Variants in RSF1 observed in about 807,000 individuals in gnomAD.
RSF1 encodes HBV pX-associated protein 8.
In RSF1, 13 loss-of-function variants were observed where a neutral mutation model predicts 145.2. The ratio of observed to expected loss-of-function variants is 0.09; its 90% confidence interval spans 0.06 to 0.14. The LOEUF (loss-of-function observed/expected upper bound fraction) is 0.14. Ranked by LOEUF, RSF1 falls within the 10% of genes least tolerant of loss-of-function variation. The pLI, the probability that RSF1 is intolerant of heterozygous loss-of-function variation, is 1.00. For synonymous variants in RSF1, 577 were observed against 592.6 expected (o/e 0.97, Z 0.38); for missense variants, 1,517 against 1,718.2 (o/e 0.88, Z 2.07).
chr11:77,840,809 G>A, the RSF1 span, among the ~76,000 whole-genome samples: 1 of 152,040 alleles, frequency 6.6e-6, no homozygotes, highest in African/African-American at 2.4e-5. Context: ...ATAACATATT[G>A]TAGGACAGTG....
chr11:77,695,642 T>A (rs908146583), intron 7 of RSF1, among the ~76,000 whole-genome samples: 2 of 152,068 alleles, frequency 1.3e-5, no homozygotes, highest in African/African-American at 4.8e-5. Context: ...GAACATCTTG[T>A]ATTTTCCCTG....
the RSF1 span, among the ~76,000 whole-genome samples, chr11:77,826,274 A>G: frequency 2.0e-5 from 3 of 151,870 alleles, no homozygotes; most frequent in Non-Finnish European, 4.4e-5. Flanking sequence ...AGGCAGGAGA[A>G]TCACTTGAAC....
In RSF1 at chr11:77,662,651, T is replaced by C. The variant is rs1959256886; in HGVS notation, c.*4266A>G. 1 of 152,168 alleles carries C rather than the reference T, an allele frequency of 6.6e-6. No individual in the cohort carries two copies. The highest frequency in any genetic ancestry group is 1.5e-5 in the Non-Finnish European group (1 of 68,004). 9.4% of individuals were successfully genotyped at this position (152,168 alleles called of 1,614,324 possible). A position where few individuals can be genotyped will look rare whatever the true frequency, so the allele number is the denominator to read the frequency against. ...AAGGCTTTGACCTTAAGGATTGGTA[T>C]AAAAATGACACAAAAAAATCAGTTA... On this transcript the variant is annotated 3_prime_UTR_variant, in exon 16 of 16. Transcript: ENST00000308488.
intron 10 of RSF1, among the ~76,000 whole-genome samples, chr11:77,684,720 G>A (rs1049495266): frequency 2.6e-5 from 4 of 152,028 alleles, no homozygotes; most frequent in Admixed American, 2.6e-4. Context: ...AGGAGCAGTG[G>A]CTCACACCTA....
chr11:77,759,598 C>A lies in RSF1; in HGVS notation c.279+5000G>T, dbSNP rs183519104. ...ACTCAGGAGGCTGAGGCAGGAGAAT[C>A]GCTTAAATCCAGGAGGCGGAGGTTG... On this transcript the variant is annotated intron_variant, in intron 2 of 15. Transcript: ENST00000308488. Among the ~76,000 whole-genome samples the A allele has an allele frequency of 9.2e-5, 14 of 152,284 alleles. No homozygotes were observed. The East Asian group carries it at 1.9e-3, about 21-fold the overall frequency.
chr11:77,698,140 C>T (rs1320037736), intron 7 of RSF1, among the ~76,000 whole-genome samples: 1 of 152,020 alleles, frequency 6.6e-6, no homozygotes, highest in African/African-American at 2.4e-5. Context: ...GGCCACCATG[C>T]CAGGCAGAAA....
intron 8 of RSF1, 78 bp downstream of exon 8, chr11:77,693,429 T>C: frequency 1.2e-6 from 1 of 854,388 alleles, no homozygotes; most frequent in Non-Finnish European, 1.9e-6. Flanking sequence ...GTTAAAAATA[T>C]TCATTCAGTA....
chr11:77,674,298 A>G (rs1342141185), intron 14 of RSF1, among the ~76,000 whole-genome samples: 2 of 152,368 alleles, frequency 1.3e-5, no homozygotes, highest in Non-Finnish European at 2.9e-5. Context: ...TGCCAATTAC[A>G]TAAAGCATTC....
At chr11:77,716,673 G>C (rs900249221) in intron 5 of RSF1, among the ~76,000 whole-genome samples, 1 of 151,966 alleles carries the variant, frequency 6.6e-6, no homozygotes, top group Non-Finnish European at 1.5e-5. Flanking sequence ...AAGTTCAAGA[G>C]ATCTACTACT....
chr11:77,726,826 C>G (rs994767244), intron 4 of RSF1, among the ~76,000 whole-genome samples: 1 of 152,150 alleles, frequency 6.6e-6, no homozygotes, highest in African/African-American at 2.4e-5. Flanking sequence ...TCCATGCCAG[C>G]TAGATTCTAC....
At chr11:77,818,905 C>T in intron 1 of RSF1, among the ~76,000 whole-genome samples, 1 of 152,290 alleles carries the variant, frequency 6.6e-6, no homozygotes, top group East Asian at 1.9e-4. Context: ...TAATTAGTCA[C>T]CCTCCTATTT....
chr11:77,754,054 T>TGGAA (rs1948091264), intron 2 of RSF1, among the ~76,000 whole-genome samples: 1 of 152,188 alleles, frequency 6.6e-6, no homozygotes, highest in East Asian at 1.9e-4. Context: ...ACTCTGGTCT[T>TGGAA]CCCTTTAGAT....
chr11:77,844,961 A>G, the RSF1 span, among the ~76,000 whole-genome samples: 1 of 152,116 alleles, frequency 6.6e-6, no homozygotes, highest in Non-Finnish European at 1.5e-5. Flanking sequence ...ATTGGTTTCT[A>G]ATGATAAATC....
the RSF1 span, among the ~76,000 whole-genome samples, chr11:77,832,985 GTGTGTGTGTGTGTA>G: frequency 6.9e-4 from 17 of 24,634 alleles, no homozygotes; most frequent in African/African-American, 4.6e-3. Context: ...GTGTGTGTGT[GTGTGTGTGTGTGTA>G]TATATATATA....
intron 3 of RSF1, among the ~76,000 whole-genome samples, chr11:77,746,717 A>G (rs910008167): frequency 6.6e-6 from 1 of 152,228 alleles, no homozygotes; most frequent in African/African-American, 2.4e-5. Context: ...TTGCTAATTT[A>G]GTAAATCGGT....
chr11:77,857,567 T>C, the RSF1 span, among the ~76,000 whole-genome samples: 1 of 152,142 alleles, frequency 6.6e-6, no homozygotes, highest in Non-Finnish European at 1.5e-5. Context: ...CTCTGATTAT[T>C]TTGTTTTATT....
At chr11:77,734,247 G>A (rs958020520) in intron 4 of RSF1, among the ~76,000 whole-genome samples, 1 of 151,078 alleles carries the variant, frequency 6.6e-6, no homozygotes, top group Non-Finnish European at 1.5e-5. Context: ...TTATATATAA[G>A]TTAATTGCTT....
At chr11:77,846,529 A>G in the RSF1 span, among the ~76,000 whole-genome samples, 1 of 152,204 alleles carries the variant, frequency 6.6e-6, no homozygotes, top group South Asian at 2.1e-4. Flanking sequence ...CAACGTGGAG[A>G]AACCCCGTCT....
chr11:77,735,150 G>A (rs1395203268), intron 4 of RSF1: 17 of 705,192 alleles, frequency 2.4e-5, no homozygotes, highest in Non-Finnish European at 3.9e-5. Context: ...ATGGGCGGCC[G>A]GCTGGGGTGG....
Sources: allele counts gnomAD v4.1 joint callset (sites outside exome capture counted in the v4.1 genomes callset), GRCh38; gene constraint gnomAD v4.1.1; transcripts MANE v1.5; gene names NCBI Gene and HGNC (gene_info 2026-07-23, HGNC 2026-07-21).